CNTN5: variants seen among roughly 807,000 people sequenced by gnomAD.
CNTN5 encodes the protein contactin-5.
Under a neutral mutation model 129.1 loss-of-function variants are expected in CNTN5, and 77 were observed. That is an observed-to-expected ratio of 0.60 (90% confidence interval 0.50 to 0.72). The LOEUF (loss-of-function observed/expected upper bound fraction) is 0.72. CNTN5 is among the 30% of genes least tolerant of loss of function. CNTN5 has a pLI of 0.00. For missense variants in CNTN5, 1,478 were observed against 1,328.8 expected (o/e 1.11, Z -1.75); for synonymous variants, 509 against 465.6 (o/e 1.09, Z -1.20).
At chr11:100,097,806 T>C (rs1945061357) in intron 13 of CNTN5, among the ~76,000 whole-genome samples, 1 of 152,120 alleles carries the variant, frequency 6.6e-6, no homozygotes, top group Non-Finnish European at 1.5e-5. Flanking sequence ...TAAAAACAGC[T>C]ATTCATTTTT....
At chr11:100,129,113 G>A (rs974561184) in intron 13 of CNTN5, among the ~76,000 whole-genome samples, 2 of 152,120 alleles carry the variant, frequency 1.3e-5, no homozygotes, top group Admixed American at 6.6e-5. Flanking sequence ...GTTTGAAATA[G>A]AGTAGGTCCA....
intron 2 of CNTN5, among the ~76,000 whole-genome samples, chr11:99,461,133 C>T (rs1479937237): frequency 1.3e-5 from 2 of 151,848 alleles, no homozygotes; most frequent in African/African-American, 4.8e-5. Context: ...ATATTGTTGG[C>T]TTTATTTATA....
chr11:100,027,190 T>G (rs185287814), intron 9 of CNTN5, among the ~76,000 whole-genome samples: 229 of 152,330 alleles, frequency 1.5e-3, no homozygotes, highest in African/African-American at 5.3e-3. Flanking sequence ...TCATTATGAG[T>G]TACATTTTCC....
intron 1 of CNTN5, among the ~76,000 whole-genome samples, chr11:99,050,302 A>C (rs1274653127): frequency 6.6e-6 from 1 of 152,050 alleles, no homozygotes; most frequent in Non-Finnish European, 1.5e-5. Flanking sequence ...AACTAAAGTG[A>C]TTTGTGGATT....
intron 3 of CNTN5, among the ~76,000 whole-genome samples, chr11:99,632,259 A>G (rs750757438): frequency 4.6e-5 from 7 of 152,090 alleles, no homozygotes; most frequent in African/African-American, 7.2e-5. Flanking sequence ...TAATTGAAAT[A>G]AAATTATATA....
intron 13 of CNTN5, among the ~76,000 whole-genome samples, chr11:100,083,535 C>G (rs1281818282): frequency 1.3e-5 from 2 of 151,960 alleles, no homozygotes; most frequent in Non-Finnish European, 2.9e-5. Flanking sequence ...ACATGTAAAC[C>G]GTACTATCCA....
chr11:99,857,440 C>T (rs1403870985), intron 6 of CNTN5, among the ~76,000 whole-genome samples: 1 of 152,022 alleles, frequency 6.6e-6, no homozygotes, highest in Non-Finnish European at 1.5e-5. Flanking sequence ...ACATACAGAG[C>T]CATCTTTAAC....
At chr11:99,315,899 A>G (rs778286491) in intron 1 of CNTN5, among the ~76,000 whole-genome samples, 1 of 133,656 alleles carries the variant, frequency 7.5e-6, no homozygotes, top group Non-Finnish European at 1.7e-5. Flanking sequence ...AGAAGAGACA[A>G]TAGAATGACA....
At chr11:99,988,873 G>GTA (rs955080466) in intron 8 of CNTN5, among the ~76,000 whole-genome samples, 1 of 151,868 alleles carries the variant, frequency 6.6e-6, no homozygotes, top group African/African-American at 2.4e-5. Flanking sequence ...GTGTGTGTGT[G>GTA]TGTGTAAAAA....
intron 13 of CNTN5, among the ~76,000 whole-genome samples, chr11:100,114,980 G>A (rs888788683): frequency 2.6e-5 from 4 of 151,654 alleles, no homozygotes; most frequent in Middle Eastern, 3.4e-3. Context: ...AAGCTCCATG[G>A]GTGTCCCCAT....
chr11:100,355,016 A>T (rs187105008), intron 24 of CNTN5, among the ~76,000 whole-genome samples: 1 of 151,774 alleles, frequency 6.6e-6, no homozygotes, highest in Admixed American at 6.6e-5. Flanking sequence ...ATAACTGTAT[A>T]CTTAGGCTAT....
In CNTN5 at chr11:99,750,117, T is replaced by C. The variant is rs377240380; in HGVS notation, c.56-69427T>C. On this transcript the variant is annotated intron_variant, in intron 3 of 24. Coordinates refer to ENST00000524871, the MANE Select transcript of CNTN5 (RefSeq NM_014361.4). The stretch of plus-strand genomic sequence containing the variant: ...ACTCTGATTCTTGTGTCTGTTATAA[T>C]AGCTAGCCTGTATGTGAATAAATAC... 1.5e-4 allele frequency among the ~76,000 whole-genome samples: 23 copies of C among 152,314 alleles called. No individual in the cohort carries two copies. In the East Asian group the frequency reaches 3.5e-3, roughly 23 times the overall value.
intron 19 of CNTN5, 99 bp downstream of exon 19, chr11:100,297,794 T>C (rs1179909304): frequency 3.3e-6 from 3 of 904,530 alleles, no homozygotes; most frequent in Non-Finnish European, 5.2e-6. Context: ...TTGATTCATT[T>C]AGAGGCTAAA....
At chr11:99,233,308 A>G (rs966668893) in intron 1 of CNTN5, among the ~76,000 whole-genome samples, 1 of 152,216 alleles carries the variant, frequency 6.6e-6, no homozygotes, top group African/African-American at 2.4e-5. Context: ...TCTTGTAGCC[A>G]GTGAAAATCC....
intron 3 of CNTN5, among the ~76,000 whole-genome samples, chr11:99,767,262 G>C (rs977029079): frequency 6.6e-6 from 1 of 151,994 alleles, no homozygotes; most frequent in Non-Finnish European, 1.5e-5. Context: ...GAAATCACTT[G>C]TAAAACTAAT....
At chr11:99,188,974 T>C (rs926512794) in intron 1 of CNTN5, among the ~76,000 whole-genome samples, 4 of 151,834 alleles carry the variant, frequency 2.6e-5, no homozygotes, top group Non-Finnish European at 1.5e-5. Flanking sequence ...ATTGAAACTT[T>C]CGAACTTTGA....
At chr11:99,468,813 C>T (rs1945052263) in intron 2 of CNTN5, among the ~76,000 whole-genome samples, 1 of 151,324 alleles carries the variant, frequency 6.6e-6, no homozygotes, top group South Asian at 2.1e-4. Flanking sequence ...TGGCTCACTG[C>T]AACCTCCATC....
At chr11:99,643,252 T>C (rs190943103) in intron 3 of CNTN5, among the ~76,000 whole-genome samples, 56 of 152,052 alleles carry the variant, frequency 3.7e-4, no homozygotes, top group African/African-American at 1.3e-3. Flanking sequence ...GGTGTTGGTA[T>C]GTCTCTGTAA....
rs1355036312 is a variant in CNTN5, at chr11:99,595,489, T to C, written c.55+39220T>C. On this transcript the variant is annotated intron_variant, in intron 3 of 24. Coordinates refer to ENST00000524871, the MANE Select transcript of CNTN5 (RefSeq NM_014361.4). ...TTCTAAACCTCTCAAACATGTCTCT[T>C]TTAAACAAGTATCAACATGAAATAT... 5.3e-5 allele frequency among the ~76,000 whole-genome samples: 8 copies of C among 152,124 alleles called. No homozygotes were observed. The East Asian group carries it at 1.5e-3, about 29-fold the overall frequency.
Sources: gnomAD v4.1 joint callset for allele counts (sites outside exome capture counted in the v4.1 genomes callset) on GRCh38, gnomAD v4.1.1 for gene constraint, MANE v1.5 for transcripts, NCBI Gene and HGNC (gene_info 2026-07-23, HGNC 2026-07-21) for gene names.